The following GRIN2B variants were observed in gnomAD, a reference collection of about 807,000 sequenced individuals.
GRIN2B encodes glutamate receptor ionotropic, NMDA 2B.
Under a neutral mutation model 114.5 loss-of-function variants are expected in GRIN2B, and 5 were observed. The observed-to-expected ratio is 0.04, with a 90% CI of 0.02 to 0.09. The LOEUF is 0.09. Ranked by LOEUF, GRIN2B falls within the 10% of genes least tolerant of loss-of-function variation. The pLI is 1.00. For synonymous variants in GRIN2B, 787 were observed against 745.1 expected (o/e 1.06, Z -0.92); for missense variants, 1,108 against 1,943.5 (o/e 0.57, Z 8.08).
At chr12:13,613,787 T>C (rs961281603) in intron 8 of GRIN2B, among the ~76,000 whole-genome samples, 17 of 152,144 alleles carry the variant, frequency 1.1e-4, no homozygotes, top group Non-Finnish European at 1.8e-4. Flanking sequence ...GCACATTATA[T>C]AGTAGGTGCT....
chr12:13,825,496 T>TGTGTGTGTGTG lies in GRIN2B; in HGVS notation c.411+40301_411+40302insCACACACACAC, dbSNP rs1555144019. ...TATATATAATAAATATATATATATT[T>TGTGTGTGTGTG]TGTGTGTGTGTGTGTGTGTGTGTGT... On this transcript the variant is annotated intron_variant, in intron 3 of 13. Transcript: ENST00000609686. 8.6e-3 allele frequency among the ~76,000 whole-genome samples: 1,057 copies of TGTGTGTGTGTG among 122,974 alleles called. 14 individuals carry two copies. The highest frequency in any genetic ancestry group is 0.014 in the Non-Finnish European group (863 of 61,250). 80.7% of individuals were successfully genotyped at this position (122,974 alleles called of 152,430 possible).
chr12:13,838,761 T>C (rs1327873439), intron 3 of GRIN2B, among the ~76,000 whole-genome samples: 5 of 152,202 alleles, frequency 3.3e-5, no homozygotes, highest in Admixed American at 2.6e-4. Flanking sequence ...GGGGAGTGGA[T>C]GGAGAAGCCA....
At chr12:13,841,760 A>G (rs1865381673) in intron 3 of GRIN2B, among the ~76,000 whole-genome samples, 1 of 152,148 alleles carries the variant, frequency 6.6e-6, no homozygotes. Context: ...AAAAATAAAA[A>G]CAATGTATTG....
chr12:13,905,560 C>T (rs1202488836), intron 2 of GRIN2B, among the ~76,000 whole-genome samples: 1 of 152,070 alleles, frequency 6.6e-6, no homozygotes, highest in Non-Finnish European at 1.5e-5. Context: ...TCTGTTGTTT[C>T]CTCTGGTTTT....
At chr12:13,775,643 T>C (rs1161767001) in intron 3 of GRIN2B, among the ~76,000 whole-genome samples, 1 of 152,224 alleles carries the variant, frequency 6.6e-6, no homozygotes, top group African/African-American at 2.4e-5. Flanking sequence ...TTTGTATACA[T>C]TGTATTCAAG....
rs1283542327 is a variant in GRIN2B, at chr12:13,559,365, T to G, written c.*3418A>C. The G allele has an allele frequency of 6.6e-6, 1 of 152,198 alleles. No homozygotes were observed. Among genetic ancestry groups the G allele is most frequent in the Non-Finnish European group, 1.5e-5 (1 of 68,034 alleles). 9.4% of individuals were successfully genotyped at this position (152,198 alleles called of 1,614,324 possible). A position where few individuals can be genotyped will look rare whatever the true frequency, so the allele number is the denominator to read the frequency against. On this transcript the variant is annotated 3_prime_UTR_variant, in exon 14 of 14. Coordinates refer to ENST00000609686, the MANE Select transcript of GRIN2B (RefSeq NM_000834.5). ...AGTGAATATACTGGGTAAATGGATTTGGAAATTTTATCCTGTGATAGAGGC... is the reference window on the plus strand; with the variant it reads ...AGTGAATATACTGGGTAAATGGATTGGGAAATTTTATCCTGTGATAGAGGC...
At chr12:13,614,248 G>A (rs947064536) in intron 8 of GRIN2B, among the ~76,000 whole-genome samples, 1 of 152,108 alleles carries the variant, frequency 6.6e-6, no homozygotes, top group Non-Finnish European at 1.5e-5. Flanking sequence ...TATGGTTAGA[G>A]CTTAAAGAAA....
chr12:13,912,417 A>G (rs1171100799), intron 2 of GRIN2B, among the ~76,000 whole-genome samples: 1 of 152,236 alleles, frequency 6.6e-6, no homozygotes, highest in African/African-American at 2.4e-5. Context: ...TGATGGGTGA[A>G]CAACGCTGAA....
At chr12:13,770,873 A>T (rs1419305973) in intron 3 of GRIN2B, among the ~76,000 whole-genome samples, 1 of 152,216 alleles carries the variant, frequency 6.6e-6, no homozygotes, top group African/African-American at 2.4e-5. Flanking sequence ...AACCAGGGGC[A>T]CCAGCCTCCA....
intron 5 of GRIN2B, among the ~76,000 whole-genome samples, chr12:13,639,600 A>T (rs1213247487): frequency 6.6e-6 from 1 of 152,098 alleles, no homozygotes; most frequent in African/African-American, 2.4e-5. Context: ...TGCAGTTCTC[A>T]ACAGGACCCA....
At chr12:13,836,338 A>T (rs1865265374) in intron 3 of GRIN2B, among the ~76,000 whole-genome samples, 1 of 152,178 alleles carries the variant, frequency 6.6e-6, no homozygotes, top group Non-Finnish European at 1.5e-5. Flanking sequence ...CCATGCATGG[A>T]ACACTGGTTA....
intron 4 of GRIN2B, among the ~76,000 whole-genome samples, chr12:13,704,663 T>A (rs1950343075): frequency 6.6e-6 from 1 of 152,080 alleles, no homozygotes; most frequent in African/African-American, 2.4e-5. Context: ...CAGCACCCCA[T>A]GTAATTCCAT....
intron 4 of GRIN2B, among the ~76,000 whole-genome samples, chr12:13,724,056 T>A (rs577089286): frequency 9.2e-5 from 14 of 152,222 alleles, no homozygotes; most frequent in African/African-American, 3.1e-4. Context: ...CTGAAACCTC[T>A]TAGAAGGCAA....
chr12:13,818,424 C>G (rs551205197), intron 3 of GRIN2B, among the ~76,000 whole-genome samples: 4 of 152,346 alleles, frequency 2.6e-5, no homozygotes, highest in African/African-American at 7.2e-5. Flanking sequence ...TTTCATACCA[C>G]TGCAAGCCTA....
At chr12:13,733,600 T>C (rs558832837) in intron 4 of GRIN2B, among the ~76,000 whole-genome samples, 1 of 152,298 alleles carries the variant, frequency 6.6e-6, no homozygotes, top group East Asian at 1.9e-4. Context: ...GCTCCTGGTG[T>C]TGTATACATC....
rs1051192428 is a variant in GRIN2B at position 13,554,252 on chromosome 12, T to G, written c.*8531A>C. 3 of 152,060 alleles carry G rather than the reference T, an allele frequency of 2.0e-5. No individual in the cohort carries two copies. The highest frequency in any genetic ancestry group is 4.4e-5 in the Non-Finnish European group (3 of 68,018). 9.4% of individuals were successfully genotyped at this position (152,060 alleles called of 1,614,324 possible). On this transcript the variant is annotated 3_prime_UTR_variant, in exon 14 of 14. Transcript: ENST00000609686. ...GATGAGATGTATAACCAAATACCTA[T>G]GAAATAAGATGGCCCATGATAGCTG...
Position 13,542,313 on chromosome 12 carries a change from C to T in GRIN2B, c.*20470G>A, listed in dbSNP as rs950948639. 7.9e-5 allele frequency: 12 copies of T among 151,990 alleles called. No homozygotes were observed. The highest frequency in any genetic ancestry group is 2.1e-4 in the South Asian group (1 of 4,824). The allele number at this position is 151,990 out of a possible 1,614,324, so 9.4% of individuals were successfully genotyped here. ...ACAAATAATTATGACCCCCCCACAACGAGACTAGCTTAGTTGGGAACCTTA... is the reference window on the plus strand; with the variant it reads ...ACAAATAATTATGACCCCCCCACAATGAGACTAGCTTAGTTGGGAACCTTA... On this transcript the variant is annotated 3_prime_UTR_variant, in exon 14 of 14. Transcript: ENST00000609686.
At chr12:13,815,065 A>G (rs1008367468) in intron 3 of GRIN2B, among the ~76,000 whole-genome samples, 3 of 152,216 alleles carry the variant, frequency 2.0e-5, no homozygotes, top group Admixed American at 2.0e-4. Context: ...AAACAGTACA[A>G]TATCAGCAAT....
intron 2 of GRIN2B, among the ~76,000 whole-genome samples, chr12:13,878,265 C>G (rs1293646696): frequency 6.6e-6 from 1 of 152,176 alleles, no homozygotes; most frequent in Non-Finnish European, 1.5e-5. Flanking sequence ...ACTTCCCTTT[C>G]TGCCACTCAC....
Sources: allele counts gnomAD v4.1 joint callset (sites outside exome capture counted in the v4.1 genomes callset), GRCh38; gene constraint gnomAD v4.1.1; transcripts MANE v1.5; gene names NCBI Gene and HGNC (gene_info 2026-07-23, HGNC 2026-07-21).